PIK3C2B: variants seen among roughly 807,000 people sequenced by gnomAD.
PIK3C2B encodes phosphatidylinositol-4-phosphate 3-kinase catalytic subunit type 2 beta.
PIK3C2B carries 83 observed loss-of-function variants against 184.3 expected under a neutral mutation model. The observed-to-expected ratio is 0.45, with a 90% confidence interval of 0.38 to 0.54. PIK3C2B has a LOEUF of 0.54. PIK3C2B is among the 20% of genes least tolerant of loss of function. The pLI is 0.00. For missense variants in PIK3C2B, 1,736 were observed against 2,113.5 expected (o/e 0.82, Z 3.50); for synonymous variants, 779 against 837.6 (o/e 0.93, Z 1.21).
Position 204,441,519 on chromosome 1 carries a change from GGA to G in PIK3C2B, c.3199_3200del (p.Ser1067LeufsTer9). 6.2e-7 allele frequency: 1 copy of G among 1,613,486 alleles called. No homozygotes were observed. Among genetic ancestry groups the G allele is most frequent in the Non-Finnish European group, 8.5e-7 (1 of 1,179,392 alleles). ...CACCCAGGGGATCCACATTTTGGAA[GGA>G]GAGTTTGAGGGGGACAGCATTGGAG... ...FNSNAVPLKL[S>X]FQNVDPLGEN... On this transcript the variant is annotated frameshift_variant, in exon 21 of 33. Coordinates refer to ENST00000684373, the MANE Select transcript of PIK3C2B (RefSeq NM_001377334.1). LOFTEE classifies it high-confidence loss of function.
intron 2 of PIK3C2B, among the ~76,000 whole-genome samples, chr1:204,468,467 G>C (rs187307753): frequency 2.1e-4 from 32 of 152,314 alleles, no homozygotes; most frequent in Non-Finnish European, 4.0e-4. Flanking sequence ...GCCACGCAGC[G>C]TTTTTGGCAG....
In PIK3C2B at chr1:204,444,062, T is replaced by C; in HGVS notation, c.2867+6A>G. The C allele has an allele frequency of 6.3e-7, 1 of 1,596,100 alleles. No individual in the cohort carries two copies. Among genetic ancestry groups the C allele is most frequent in the Non-Finnish European group, 8.6e-7 (1 of 1,163,618 alleles). On this transcript the variant is annotated splice_donor_region_variant and intron_variant, in intron 18 of 32. Transcript: ENST00000684373. Reference sequence around the variant, plus strand: ...CTACCTCCCACTTTTCTACATGCAGTTTTACCAGAAGAAGTAGTGAGTCAC... The same window carrying C: ...CTACCTCCCACTTTTCTACATGCAGCTTTACCAGAAGAAGTAGTGAGTCAC...
At chr1:204,491,028 T>C (rs1297512272) in intron 1 of PIK3C2B, among the ~76,000 whole-genome samples, 1 of 152,150 alleles carries the variant, frequency 6.6e-6, no homozygotes, top group Non-Finnish European at 1.5e-5. Flanking sequence ...AAATTTATTA[T>C]GCCTACATGC....
rs937519580 is a variant in PIK3C2B, at chr1:204,447,663, G to A, written c.2347-85C>T. 18 of 950,840 alleles carry A rather than the reference G, an allele frequency of 1.9e-5. No homozygotes were observed. The highest frequency in any genetic ancestry group is 1.6e-4 in the African/African-American group (10 of 61,958). The allele number at this position is 950,840 out of a possible 1,614,324, so 58.9% of individuals were successfully genotyped here. ...CTTCTTTCTCTCACCCCAGCATTCC[G>A]GCCTTGTCCCTCCCTCACTTTCCCT... On this transcript the variant is annotated intron_variant, in intron 14 of 32. Coordinates refer to ENST00000684373, the MANE Select transcript of PIK3C2B (RefSeq NM_001377334.1). The surrounding 1 kb of genome is among the most constrained non-coding windows in gnomAD (Gnocchi z 4.1).
At chr1:204,490,039 G>A in intron 1 of PIK3C2B, 1 of 397,338 alleles carries the variant, frequency 2.5e-6, no homozygotes. Context: ...CCACGTGTGT[G>A]AAACAACTCT....
intron 1 of PIK3C2B, chr1:204,490,417 G>A (rs1199633136): frequency 6.5e-6 from 1 of 152,934 alleles, no homozygotes; most frequent in Admixed American, 6.5e-5. Context: ...TTTTGGGGAA[G>A]TAAATTTCCC....
chr1:204,484,078 CT>C (rs1657399840), intron 1 of PIK3C2B, among the ~76,000 whole-genome samples: 1 of 152,048 alleles, frequency 6.6e-6, no homozygotes, highest in African/African-American at 2.4e-5. Flanking sequence ...GGGTGTTACA[CT>C]TTGTGCTGGT....
chr1:204,482,121 G>A (rs1220353913), intron 1 of PIK3C2B, among the ~76,000 whole-genome samples: 1 of 23,840 alleles, frequency 4.2e-5, no homozygotes, highest in South Asian at 2.0e-3. Flanking sequence ...GGGGGGGGGG[G>A]GGGGGTGCTC....
intron 2 of PIK3C2B, 114 bp downstream of exon 2, chr1:204,468,756 G>A (rs1656027342): frequency 1.1e-6 from 1 of 940,052 alleles, no homozygotes; most frequent in Non-Finnish European, 1.6e-6. Context: ...GAGGGTAGGA[G>A]AGGCCTAAAG....
intron 10 of PIK3C2B, chr1:204,456,352 T>G: frequency 8.1e-6 from 2 of 246,446 alleles, no homozygotes; most frequent in Non-Finnish European, 7.7e-6. Flanking sequence ...TTATTGTCAG[T>G]TGCTTCAAAA....
In PIK3C2B at chr1:204,460,588, T is replaced by C. The variant is rs1249833683; in HGVS notation, c.1384A>G (p.Met462Val). 7 of 1,614,068 alleles carry C rather than the reference T, an allele frequency of 4.3e-6. No homozygotes were observed. Among genetic ancestry groups the C allele is most frequent in the Admixed American group, 3.3e-5 (2 of 60,014 alleles). The change falls in exon 6 of 33, where the codon ATG becomes GTG. Residue 462 changes from methionine (M) to valine (V), a missense_variant. Coordinates refer to ENST00000684373, the MANE Select transcript of PIK3C2B (RefSeq NM_001377334.1). The stretch of plus-strand genomic sequence containing the variant: ...TCACTGCGCACAACCTTCTGCTCCA[T>C]CAGCTGTAGCCGAATGTCAATGTCA... ...KFDIDIRLQLMEQKVVRSDLA... is the reference protein window; with the variant it reads ...KFDIDIRLQLVEQKVVRSDLA...
chr1:204,468,786 T>G lies in PIK3C2B; in HGVS notation c.933+84A>C, dbSNP rs549487176. ...CTAAAGGGGTAAGGACTTGGCAGAG[T>G]TGGATGTAGAACAGCAGAGACTAGT... On this transcript the variant is annotated intron_variant, in intron 2 of 32. Transcript: ENST00000684373. 40 of 1,229,096 alleles carry G rather than the reference T, an allele frequency of 3.3e-5. No individual in the cohort carries two copies. The South Asian group carries it at 4.6e-4, about 14-fold the overall frequency. 76.1% of individuals were successfully genotyped at this position (1,229,096 alleles called of 1,614,324 possible). A position where few individuals can be genotyped will look rare whatever the true frequency, so the allele number is the denominator to read the frequency against.
rs769761760 is a variant in PIK3C2B at position 204,439,006 on chromosome 1, C to T, written c.3445G>A (p.Gly1149Ser). ...RKIQVEHGVT[G>S]SFKDRPLADW... ...GCCAGGGGCCGGTCCTTGAACGAGC[C>T]GGTCACCCCATGCTCCACCTGGATC... Residue 1149 changes from glycine (G) to serine (S), a missense_variant, in exon 23 of 33, where the codon GGC (glycine) becomes AGC (serine). Gly to Ser is a moderately conservative substitution (Grantham distance 56, BLOSUM62 0). This residue lies in a region of PIK3C2B where 289 missense variants were observed against 380.4 expected (regional missense o/e 0.76). Transcript: ENST00000684373. 8 of 1,613,988 alleles carry T rather than the reference C, an allele frequency of 5.0e-6. No homozygotes were observed. Among genetic ancestry groups the T allele is most frequent in the South Asian group, 1.1e-5 (1 of 91,080 alleles).
At chr1:204,489,312 T>C (rs1189431605) in intron 1 of PIK3C2B, among the ~76,000 whole-genome samples, 4 of 152,052 alleles carry the variant, frequency 2.6e-5, no homozygotes, top group Admixed American at 6.6e-5. Flanking sequence ...AGACCACAAG[T>C]GTGCGCCATC....
intron 21 of PIK3C2B, among the ~76,000 whole-genome samples, chr1:204,441,255 A>G (rs1387891622): frequency 6.6e-6 from 1 of 152,192 alleles, no homozygotes; most frequent in Non-Finnish European, 1.5e-5. Flanking sequence ...CGGGATACTG[A>G]GCTGCCAGTT....
Position 204,442,617 on chromosome 1 carries a change from C to G in PIK3C2B, c.3065G>C (p.Gly1022Ala). ...AAAGAACTGCTTCACCTCCTCCAGG[C>G]CCGTGCGGAGGATTCCCTGGAAAGA... ...PSARQGILRTGLEEVKQFFAL... is the reference protein window; with the variant it reads ...PSARQGILRTALEEVKQFFAL... The change falls in exon 20 of 33, where the codon GGC becomes GCC. Residue 1022 changes from glycine (G) to alanine (A), a missense_variant. Physicochemically the swap from Gly to Ala is moderately conservative, Grantham distance 60. This residue lies in a region of PIK3C2B where 289 missense variants were observed against 380.4 expected (regional missense o/e 0.76). Transcript: ENST00000684373. The G allele has an allele frequency of 6.4e-7, 1 of 1,551,814 alleles. No individual in the cohort carries two copies. Among genetic ancestry groups the G allele is most frequent in the Non-Finnish European group, 8.7e-7 (1 of 1,146,698 alleles).
At chr1:204,465,173 ATCCCCCAT>A in intron 3 of PIK3C2B, 38 bp downstream of exon 3, 23 of 616,132 alleles carry the variant, frequency 3.7e-5, no homozygotes, top group Middle Eastern at 2.8e-4. Context: ...CCCCCTCCCC[ATCCCCCAT>A]AGCCCTCCCA....
intron 1 of PIK3C2B, among the ~76,000 whole-genome samples, chr1:204,487,347 G>A (rs970315718): frequency 1.3e-5 from 2 of 152,190 alleles, no homozygotes; most frequent in Admixed American, 1.3e-4. Context: ...ATTTCAACAT[G>A]TATCTACAAA....
At chr1:204,454,498 A>G (rs1654653185) in intron 12 of PIK3C2B, 171 bp downstream of exon 12, 2 of 603,490 alleles carry the variant, frequency 3.3e-6, no homozygotes, top group East Asian at 3.0e-5. Context: ...AAAAAAAAAA[A>G]AAGAGTCAGG....
Sources: allele counts gnomAD v4.1 joint callset (sites outside exome capture counted in the v4.1 genomes callset), GRCh38; gene constraint gnomAD v4.1.1; regional missense constraint gnomAD v4.1.1; non-coding constraint Gnocchi (gnomAD v3.1); transcripts MANE v1.5; gene names NCBI Gene and HGNC (gene_info 2026-07-23, HGNC 2026-07-21).